The following FRMD4A variants were observed in gnomAD, a reference collection of about 807,000 sequenced individuals.
The protein encoded by FRMD4A is FERM domain-containing protein 4A.
In FRMD4A, 29 loss-of-function variants were observed where a neutral mutation model predicts 129.1. The ratio of observed to expected loss-of-function variants is 0.22; its 90% confidence interval spans 0.17 to 0.31. The LOEUF (loss-of-function observed/expected upper bound fraction) is 0.31. Among genes scored for constraint, FRMD4A ranks in the 10% least tolerant of loss-of-function variants. The pLI, the probability that FRMD4A is intolerant of heterozygous loss-of-function variation, is 1.00. For missense variants in FRMD4A, 1,272 were observed against 1,375.8 expected (o/e 0.92, Z 1.19); for synonymous variants, 634 against 571.6 (o/e 1.11, Z -1.56).
At chr10:14,166,858 C>G (rs114313930) in intron 2 of FRMD4A, among the ~76,000 whole-genome samples, 1 of 152,200 alleles carries the variant, frequency 6.6e-6, no homozygotes, top group Non-Finnish European at 1.5e-5. Context: ...TATCAAACCC[C>G]ATGAGCCCTT....
At chr10:13,918,870 GAA>G (rs35627164) in intron 2 of FRMD4A, among the ~76,000 whole-genome samples, 1 of 135,884 alleles carries the variant, frequency 7.4e-6, no homozygotes. Context: ...TTTTTTGTAA[GAA>G]AAAAAAAAAA....
At chr10:13,753,004 C>A (rs1228783673) in intron 8 of FRMD4A, among the ~76,000 whole-genome samples, 2 of 152,130 alleles carry the variant, frequency 1.3e-5, no homozygotes, top group Non-Finnish European at 1.5e-5. Context: ...CTAAATCCTG[C>A]CAAGTTCTGA....
At chr10:13,897,177 C>A (rs1256633305) in intron 2 of FRMD4A, among the ~76,000 whole-genome samples, 1 of 152,192 alleles carries the variant, frequency 6.6e-6, no homozygotes, top group Non-Finnish European at 1.5e-5. Context: ...CCATTTTCAG[C>A]TTGAGTTTAA....
intron 2 of FRMD4A, among the ~76,000 whole-genome samples, chr10:14,226,969 C>T (rs1240026849): frequency 1.3e-5 from 2 of 152,074 alleles, no homozygotes; most frequent in African/African-American, 4.8e-5. Flanking sequence ...GCCCAATGAC[C>T]CTCCTATAAA....
At chr10:13,677,118 A>G (rs369960573) in intron 15 of FRMD4A, among the ~76,000 whole-genome samples, 3 of 152,228 alleles carry the variant, frequency 2.0e-5, no homozygotes. Flanking sequence ...GTCTCTGAGC[A>G]GAAAACCCTG....
intron 16 of FRMD4A, among the ~76,000 whole-genome samples, chr10:13,674,705 A>G (rs1204914720): frequency 1.3e-5 from 2 of 152,216 alleles, no homozygotes; most frequent in Non-Finnish European, 2.9e-5. Context: ...AAAGCACATT[A>G]GAGAGGTTTG....
intron 8 of FRMD4A, among the ~76,000 whole-genome samples, chr10:13,750,040 AAAGGAAAGG>A (rs1209832777): frequency 8.6e-5 from 12 of 140,276 alleles, no homozygotes; most frequent in East Asian, 4.7e-4. Context: ...AAAGAGAGGG[AAAGGAAAGG>A]AAGGAAGGAA....
In FRMD4A at chr10:14,225,292, G is replaced by T. The variant is rs139639639; in HGVS notation, c.45+104766C>A. Reference sequence around the variant, plus strand: ...CCCAACCCTCAATCCCAACCCCGTAGCCAAGAATGTGGAAATGAAGGAAGA... The same window carrying T: ...CCCAACCCTCAATCCCAACCCCGTATCCAAGAATGTGGAAATGAAGGAAGA... On this transcript the variant is annotated intron_variant, in intron 2 of 24. Coordinates refer to ENST00000357447, the MANE Select transcript of FRMD4A (RefSeq NM_018027.5). Among the ~76,000 whole-genome samples, 713 of 152,228 alleles carry T rather than the reference G, an allele frequency of 4.7e-3. 5 individuals are homozygous for T. Among genetic ancestry groups the T allele is most frequent in the African/African-American group, 0.016 (660 of 41,538 alleles).
intron 16 of FRMD4A, among the ~76,000 whole-genome samples, chr10:13,671,895 A>T (rs755512653): frequency 6.6e-6 from 1 of 152,274 alleles, no homozygotes; most frequent in South Asian, 2.1e-4. Context: ...AGACTGAAGG[A>T]GCTGCTCTGA....
chr10:13,648,855 G>T (rs888362916), intron 24 of FRMD4A: 5 of 152,138 alleles, frequency 3.3e-5, no homozygotes, highest in African/African-American at 1.2e-4. Flanking sequence ...TTCCCTAAGG[G>T]GTTTCATGAG....
intron 4 of FRMD4A, among the ~76,000 whole-genome samples, chr10:13,799,809 C>G (rs1382221496): frequency 6.6e-6 from 1 of 152,104 alleles, no homozygotes; most frequent in East Asian, 1.9e-4. Flanking sequence ...GGGTTTCTTT[C>G]AAACTTCTCC....
At chr10:13,722,149 G>A (rs990679200) in intron 12 of FRMD4A, among the ~76,000 whole-genome samples, 2 of 151,534 alleles carry the variant, frequency 1.3e-5, no homozygotes, top group South Asian at 2.1e-4. Context: ...GCAAAATCCC[G>A]TGCAGCAGAA....
At chr10:14,146,835 T>C (rs1238935216) in intron 2 of FRMD4A, among the ~76,000 whole-genome samples, 1 of 152,214 alleles carries the variant, frequency 6.6e-6, no homozygotes, top group Admixed American at 6.5e-5. Context: ...AGTCAACTGA[T>C]GGACTGAAAA....
chr10:13,939,858 A>C (rs965562084), intron 2 of FRMD4A, among the ~76,000 whole-genome samples: 2 of 152,216 alleles, frequency 1.3e-5, no homozygotes, highest in African/African-American at 4.8e-5. Flanking sequence ...TCATCACCTT[A>C]GTTGGAAAAC....
At chr10:13,778,165 AGGCTGCCACCT>A (rs1444511039) in intron 6 of FRMD4A, among the ~76,000 whole-genome samples, 1 of 152,046 alleles carries the variant, frequency 6.6e-6, no homozygotes, top group Admixed American at 6.6e-5. Flanking sequence ...TCGCTGCCCA[AGGCTGCCACCT>A]GGTGGAGACT....
At chr10:14,152,896 A>T (rs928205959) in intron 2 of FRMD4A, among the ~76,000 whole-genome samples, 1 of 152,244 alleles carries the variant, frequency 6.6e-6, no homozygotes, top group Middle Eastern at 3.4e-3. Context: ...AAGAGGGGGA[A>T]CCCAGGCATC....
intron 2 of FRMD4A, among the ~76,000 whole-genome samples, chr10:14,044,258 T>G (rs1833897068): frequency 6.6e-6 from 1 of 152,232 alleles, no homozygotes; most frequent in Admixed American, 6.5e-5. Context: ...TTGTTTGAGC[T>G]CTATTGTTTT....
intron 2 of FRMD4A, among the ~76,000 whole-genome samples, chr10:14,271,404 A>T (rs1444460831): frequency 6.6e-6 from 1 of 152,198 alleles, no homozygotes; most frequent in Non-Finnish European, 1.5e-5. Context: ...CTATCCCTTT[A>T]TAGGGCACTC....
At chr10:14,198,995 T>G (rs1207537115) in intron 2 of FRMD4A, among the ~76,000 whole-genome samples, 1 of 152,160 alleles carries the variant, frequency 6.6e-6, no homozygotes, top group African/African-American at 2.4e-5. Flanking sequence ...TTATTATTAT[T>G]TATGGTTACA....
Sources: allele counts gnomAD v4.1 joint callset (sites outside exome capture counted in the v4.1 genomes callset), GRCh38; gene constraint gnomAD v4.1.1; transcripts MANE v1.5; gene names NCBI Gene and HGNC (gene_info 2026-07-23, HGNC 2026-07-21).